The following ZNF814 variants were observed in gnomAD, a reference collection of about 807,000 sequenced individuals.
ZNF814 encodes the protein zinc finger protein 814.
In ZNF814, 5 loss-of-function variants were observed where a neutral mutation model predicts 7.5. That is an observed-to-expected ratio of 0.67 (90% CI 0.35 to 1.40). The LOEUF (loss-of-function observed/expected upper bound fraction) is 1.40. ZNF814 is among the 40% of genes most tolerant of loss of function. The probability of loss-of-function intolerance (pLI) is 0.04; values close to 1 mark genes in which losing one functional copy is unlikely to be tolerated. For missense variants in ZNF814, 962 were observed against 1,018.0 expected (o/e 0.94, Z 0.75); for synonymous variants, 315 against 340.7 (o/e 0.92, Z 0.83).
the ZNF814 span, among the ~76,000 whole-genome samples, chr19:57,895,936 G>T: frequency 2.0e-5 from 3 of 152,184 alleles, no homozygotes; most frequent in African/African-American, 7.2e-5. Flanking sequence ...GACAGAGCAG[G>T]CTCTTCCCGA....
At chr19:57,902,924 C>T in the ZNF814 span, among the ~76,000 whole-genome samples, 4 of 152,038 alleles carry the variant, frequency 2.6e-5, no homozygotes, top group Admixed American at 2.0e-4. Flanking sequence ...CATGATCCGC[C>T]CGCCGCAGCC....
At chr19:57,880,400 T>C (rs1378375482) in intron 1 of ZNF814, among the ~76,000 whole-genome samples, 1 of 148,914 alleles carries the variant, frequency 6.7e-6, no homozygotes, top group Non-Finnish European at 1.5e-5. Flanking sequence ...CACATACTGC[T>C]ACCAAATCCA....
chr19:57,903,723 T>C, the ZNF814 span, among the ~76,000 whole-genome samples: 1 of 152,214 alleles, frequency 6.6e-6, no homozygotes, highest in African/African-American at 2.4e-5. Context: ...CTTGTAAATT[T>C]TGTTCTAATA....
At position 57,874,818 on chromosome 19, in the gene ZNF814, C is replaced by G. The variant is rs1568518330; in HGVS notation, c.572G>C (p.Ser191Thr). Residue 191 changes from serine to threonine, a missense_variant, in exon 3 of 3, where the codon AGT (serine) becomes ACT (threonine). Around this residue, in one of 7 missense-constraint regions of ZNF814, gnomAD observed 126 missense variants for 123.5 expected, o/e 1.02. Transcript: ENST00000435989. ...PRSGLLQQEA[S>T]HTGEKSNSKT... Reference sequence around the variant, plus strand: ...GCTGTTTGACTTCTCCCCAGTGTGACTGGCCTCCTGCTGGAGTAATCCTGA... The same window carrying G: ...GCTGTTTGACTTCTCCCCAGTGTGAGTGGCCTCCTGCTGGAGTAATCCTGA... 8.7e-6 allele frequency: 14 copies of G among 1,614,164 alleles called. No homozygotes were observed. Among genetic ancestry groups the G allele is most frequent in the Non-Finnish European group, 1.1e-5 (13 of 1,180,008 alleles).
chr19:57,876,417 AG>A (rs2071608202), intron 2 of ZNF814: 1 of 165,250 alleles, frequency 6.1e-6, no homozygotes, highest in African/African-American at 2.4e-5. Flanking sequence ...AGACAGAACA[AG>A]GGAACAGCCA....
chr19:57,875,706 T>C (rs953340779), intron 2 of ZNF814, among the ~76,000 whole-genome samples: 5 of 152,036 alleles, frequency 3.3e-5, no homozygotes, highest in Admixed American at 6.6e-5. Context: ...CCCAGAGATA[T>C]GAAGATTAGA....
chr19:57,891,758 C>A (rs367731930), upstream of ZNF814, among the ~76,000 whole-genome samples: 2 of 136,950 alleles, frequency 1.5e-5, no homozygotes, highest in East Asian at 3.9e-4. Flanking sequence ...CCTTTACTTT[C>A]TTTTCTTTTT....
In ZNF814 at chr19:57,888,961, T is replaced by C; in HGVS notation, c.-159A>G. On this transcript the variant is annotated 5_prime_UTR_variant, in exon 1 of 3. Coordinates refer to ENST00000435989, the MANE Select transcript of ZNF814 (RefSeq NM_001144989.2). ...CAGCGGAGGACAACTGCTCCCCGAC[T>C]TCTGGGTTCAGTCACCACAGTGCGG... is the stretch of plus-strand genomic sequence containing the variant. 2.7e-6 allele frequency: 2 copies of C among 746,838 alleles called. No individual in the cohort carries two copies. Among genetic ancestry groups the C allele is most frequent in the Non-Finnish European group, 4.4e-6 (2 of 454,798 alleles). 46.3% of individuals were successfully genotyped at this position (746,838 alleles called of 1,614,324 possible). A position where few individuals can be genotyped will look rare whatever the true frequency, so the allele number is the denominator to read the frequency against.
At chr19:57,902,234 T>G in the ZNF814 span, among the ~76,000 whole-genome samples, 4 of 152,228 alleles carry the variant, frequency 2.6e-5, no homozygotes, top group Non-Finnish European at 5.9e-5. Flanking sequence ...GGGGAAATTG[T>G]GTAGCAAGTA....
chr19:57,884,833 T>A (rs879461286), intron 1 of ZNF814, among the ~76,000 whole-genome samples: 1 of 152,174 alleles, frequency 6.6e-6, no homozygotes, highest in Admixed American at 6.5e-5. Context: ...ACAACCACTA[T>A]GGAGAACAGT....
chr19:57,873,109 C>A lies in ZNF814; in HGVS notation c.2281G>T (p.Val761Phe), dbSNP rs754907547. The A allele has an allele frequency of 8.7e-6, 14 of 1,613,746 alleles. No homozygotes were observed. Among genetic ancestry groups the A allele is most frequent in the Non-Finnish European group, 1.0e-5 (12 of 1,179,940 alleles). Reference sequence around the variant, plus strand: ...TCTCCAGTGTGAATTCGCTTATGAACACAGAATGTAGAGCTGTGGGTAAAT... The same window carrying A: ...TCTCCAGTGTGAATTCGCTTATGAAAACAGAATGTAGAGCTGTGGGTAAAT... ...KSFTHSSTFC[V>F]HKRIHTGEKP... The change falls in exon 3 of 3, where the codon GTT becomes TTT. Residue 761 changes from valine to phenylalanine, a missense_variant. Val to Phe is a conservative substitution (Grantham distance 50, BLOSUM62 -1). Around this residue, in one of 7 missense-constraint regions of ZNF814, gnomAD observed 665 missense variants for 551.4 expected, o/e 1.21. Transcript: ENST00000435989.
In ZNF814 at chr19:57,872,924, G is replaced by A. The variant is rs1018015263; in HGVS notation, c.2466C>T (p.His822=). Residue 822 remains histidine, a synonymous_variant, in exon 3 of 3, where the codon CAC becomes CAT. Coordinates refer to ENST00000435989, the MANE Select transcript of ZNF814 (RefSeq NM_001144989.2). ...CACATTTATAAGGCTTTTCTCCAGT[G>A]TGAACTCTCTTGTGTTTAGTGAGAC... ...SSSLTKHKRV[H]TGEKPYKCEK... The A allele has an allele frequency of 1.2e-6, 2 of 1,613,702 alleles. No individual in the cohort carries two copies. Among genetic ancestry groups the A allele is most frequent in the African/African-American group, 2.7e-5 (2 of 74,878 alleles).
the ZNF814 span, among the ~76,000 whole-genome samples, chr19:57,904,295 T>C: frequency 6.6e-6 from 1 of 152,034 alleles, no homozygotes; most frequent in Non-Finnish European, 1.5e-5. Flanking sequence ...CCTGCTTCTT[T>C]GTTTGATTAC....
rs973815075 is a variant in ZNF814, at chr19:57,874,691, C to A, written c.699G>T (p.Gln233His). Residue 233 changes from glutamine to histidine, a missense_variant, in exon 3 of 3, where the codon CAG (glutamine) becomes CAT (histidine). Coordinates refer to ENST00000435989, the MANE Select transcript of ZNF814 (RefSeq NM_001144989.2). ...FSTKHILSQH[Q>H]RLLTREECYV... ...AACACTCTTCTCTAGTGAGCAGTCT[C>A]TGGTGCTGACTGAGTATATGTTTGG... The A allele has an allele frequency of 3.2e-6, 5 of 1,570,310 alleles. No individual in the cohort carries two copies. In the African/African-American group the frequency reaches 6.8e-5, roughly 21 times the overall value.
chr19:57,889,720 C>T (rs1311289701), upstream of ZNF814, among the ~76,000 whole-genome samples: 2 of 151,972 alleles, frequency 1.3e-5, no homozygotes, highest in African/African-American at 4.8e-5. Context: ...CAAAAATTAA[C>T]CCACATGGTG....
intron 2 of ZNF814, among the ~76,000 whole-genome samples, chr19:57,875,999 C>A (rs555938254): frequency 2.1e-3 from 239 of 114,022 alleles, no homozygotes; most frequent in Non-Finnish European, 3.5e-3. Context: ...CTCGCTCTGT[C>A]ACCCAGGCTG....
chr19:57,875,396 G>A (rs147903687), intron 2 of ZNF814, among the ~76,000 whole-genome samples, 170 bp from the exon 3 acceptor site: 2,881 of 152,184 alleles, frequency 0.019, 41 homozygotes, highest in Non-Finnish European at 0.032. Flanking sequence ...GGACTATAAC[G>A]GTCACAGAAT....
In ZNF814 at chr19:57,872,928, ACT is replaced by A. The variant is rs750329965; in HGVS notation, c.2460_2461del (p.Arg820SerfsTer9). Reference sequence around the variant, plus strand: ...TTTATAAGGCTTTTCTCCAGTGTGAACTCTCTTGTGTTTAGTGAGACTGGAGC... The same window carrying A: ...TTTATAAGGCTTTTCTCCAGTGTGAACTCTTGTGTTTAGTGAGACTGGAGC... On this transcript the variant is annotated frameshift_variant, in exon 3 of 3. Transcript: ENST00000435989. LOFTEE classifies it low-confidence loss of function (END_TRUNC). 6.4e-4 allele frequency: 1,031 copies of A among 1,613,076 alleles called. No individual in the cohort carries two copies. Among genetic ancestry groups the A allele is most frequent in the Non-Finnish European group, 7.7e-4 (912 of 1,179,800 alleles).
At chr19:57,875,943 C>CTTTTTTTTTTTTTT (rs567660556) in intron 2 of ZNF814, among the ~76,000 whole-genome samples, 2 of 71,432 alleles carry the variant, frequency 2.8e-5, no homozygotes, top group Non-Finnish European at 5.3e-5. Context: ...CAGGGTGCCG[C>CTTTTTTTTTTTTTT]TTTTTTTTTT....
Sources: gnomAD v4.1 joint callset for allele counts (sites outside exome capture counted in the v4.1 genomes callset) on GRCh38, gnomAD v4.1.1 for gene constraint, gnomAD v4.1.1 regional missense constraint, MANE v1.5 for transcripts, NCBI Gene and HGNC (gene_info 2026-07-23, HGNC 2026-07-21) for gene names.